The following GRM7 variants were observed in gnomAD, a reference collection of about 807,000 sequenced individuals.
The protein encoded by GRM7 is metabotropic glutamate receptor 7.
A neutral mutation model predicts 84.5 loss-of-function variants in GRM7; 35 were observed. That is an observed-to-expected ratio of 0.41 (90% CI 0.32 to 0.55). The LOEUF is 0.55. GRM7 is among the 20% of genes least tolerant of loss of function. GRM7 has a pLI of 0.19. For missense variants in GRM7, 1,003 were observed against 1,194.6 expected, an observed-to-expected ratio of 0.84 and a Z score of 2.36; for synonymous variants, 487 against 455.1, an observed-to-expected ratio of 1.07 and a Z score of -0.89.
chr3:6,990,705 A>G (rs2124854260), intron 1 of GRM7, among the ~76,000 whole-genome samples: 1 of 152,242 alleles, frequency 6.6e-6, no homozygotes, highest in South Asian at 2.1e-4. Context: ...CATTCTCTTC[A>G]TGATCTGCCA....
At chr3:7,424,095 C>G (rs1696506231) in intron 5 of GRM7, among the ~76,000 whole-genome samples, 1 of 152,112 alleles carries the variant, frequency 6.6e-6, no homozygotes, top group East Asian at 1.9e-4. Context: ...GCAAGTTACT[C>G]AGACATTCCC....
At chr3:7,027,107 A>G (rs914968032) in intron 1 of GRM7, among the ~76,000 whole-genome samples, 1 of 152,212 alleles carries the variant, frequency 6.6e-6, no homozygotes, top group African/African-American at 2.4e-5. Context: ...CTTGACCCCT[A>G]TATTCTTGTG....
intron 9 of GRM7, among the ~76,000 whole-genome samples, chr3:7,711,639 G>A (rs1436741220): frequency 6.6e-6 from 1 of 152,180 alleles, no homozygotes; most frequent in Non-Finnish European, 1.5e-5. Flanking sequence ...CGGCACCAAA[G>A]CTTTGTACTC....
chr3:7,618,138 T>A (rs1697191195), intron 8 of GRM7, among the ~76,000 whole-genome samples: 1 of 152,132 alleles, frequency 6.6e-6, no homozygotes. Flanking sequence ...ATATAATTAT[T>A]ACTTTCATTT....
At chr3:7,593,264 G>C (rs1020163842) in intron 8 of GRM7, among the ~76,000 whole-genome samples, 1 of 152,264 alleles carries the variant, frequency 6.6e-6, no homozygotes. Flanking sequence ...TTATTTTCCA[G>C]TGATTTTGTG....
At chr3:7,358,427 G>C (rs1020676831) in intron 4 of GRM7, among the ~76,000 whole-genome samples, 1 of 125,810 alleles carries the variant, frequency 7.9e-6, no homozygotes, top group African/African-American at 3.4e-5. Flanking sequence ...AAACGGTCAT[G>C]TGAACCAGAA....
chr3:7,422,969 C>A (rs1409744930), intron 5 of GRM7, among the ~76,000 whole-genome samples: 1 of 152,170 alleles, frequency 6.6e-6, no homozygotes, highest in Non-Finnish European at 1.5e-5. Context: ...TGATTTTACT[C>A]ACAAACCTCA....
At chr3:6,897,022 T>C (rs1195805059) in intron 1 of GRM7, among the ~76,000 whole-genome samples, 3 of 152,258 alleles carry the variant, frequency 2.0e-5, no homozygotes, top group African/African-American at 7.2e-5. Context: ...GTATTTCTGT[T>C]TGACAGTTAT....
intron 7 of GRM7, among the ~76,000 whole-genome samples, chr3:7,476,884 C>T (rs1199282078): frequency 1.3e-5 from 2 of 152,198 alleles, no homozygotes; most frequent in African/African-American, 4.8e-5. Context: ...TATTCCACCA[C>T]CAAACTGAAT....
At chr3:7,112,346 T>C (rs1478573788) in intron 1 of GRM7, among the ~76,000 whole-genome samples, 1 of 152,038 alleles carries the variant, frequency 6.6e-6, no homozygotes, top group Non-Finnish European at 1.5e-5. Context: ...TGCCTCAGCC[T>C]CCTGAGTAGC....
chr3:7,451,391 T>C (rs1019489458), intron 5 of GRM7, among the ~76,000 whole-genome samples: 13 of 152,198 alleles, frequency 8.5e-5, no homozygotes, highest in Non-Finnish European at 1.6e-4. Flanking sequence ...AATGTTGAAT[T>C]GCGACTGAGC....
chr3:6,990,647 T>C (rs1694599638), intron 1 of GRM7, among the ~76,000 whole-genome samples: 2 of 152,138 alleles, frequency 1.3e-5, no homozygotes, highest in African/African-American at 2.4e-5. Flanking sequence ...TTTTCATTTT[T>C]CTTTACATAG....
intron 7 of GRM7, among the ~76,000 whole-genome samples, chr3:7,517,220 C>T (rs6778646): frequency 0.11 from 16,976 of 152,116 alleles, 1,038 homozygotes; most frequent in Non-Finnish European, 0.12. Flanking sequence ...AAGTTTTGGT[C>T]ATTTATTTTG....
At chr3:7,232,255 A>C (rs911401900) in intron 2 of GRM7, among the ~76,000 whole-genome samples, 1 of 152,158 alleles carries the variant, frequency 6.6e-6, no homozygotes, top group Non-Finnish European at 1.5e-5. Context: ...TCTTGTAAAA[A>C]AAAAAAAAGT....
At chr3:7,103,981 T>A (rs1424491935) in intron 1 of GRM7, among the ~76,000 whole-genome samples, 1 of 151,550 alleles carries the variant, frequency 6.6e-6, no homozygotes, top group Non-Finnish European at 1.5e-5. Context: ...TGCACCATTG[T>A]GAATTTGTCC....
chr3:7,414,475 A>G (rs1003392147), intron 4 of GRM7, among the ~76,000 whole-genome samples: 2 of 152,138 alleles, frequency 1.3e-5, no homozygotes, highest in African/African-American at 2.4e-5. Context: ...ATGACCCCAT[A>G]CGAACATTTA....
chr3:7,409,536 T>C (rs1016311493), intron 4 of GRM7, among the ~76,000 whole-genome samples: 5 of 152,096 alleles, frequency 3.3e-5, no homozygotes, highest in Non-Finnish European at 5.9e-5. Flanking sequence ...TCTGTGTAAA[T>C]TTTATATCCT....
In GRM7 at chr3:6,968,345, C is replaced by G. The variant is rs543824974; in HGVS notation, c.519+106438C>G. On this transcript the variant is annotated intron_variant, in intron 1 of 9. Coordinates refer to ENST00000357716, the MANE Select transcript of GRM7 (RefSeq NM_000844.4). ...TCTCATTAGAGTCCACCCTAATGAA[C>G]TCATTTTATTTTGATTACCTCTGTA... Among the ~76,000 whole-genome samples the G allele has an allele frequency of 1.6e-4, 24 of 152,252 alleles. No individual in the cohort carries two copies. The East Asian group carries it at 4.4e-3, about 28-fold the overall frequency.
chr3:7,176,832 A>G (rs1178486008), intron 2 of GRM7, among the ~76,000 whole-genome samples: 1 of 152,204 alleles, frequency 6.6e-6, no homozygotes, highest in Non-Finnish European at 1.5e-5. Context: ...AAACTCATCC[A>G]TCTTCTATTT....
Sources: gnomAD v4.1 joint callset for allele counts (sites outside exome capture counted in the v4.1 genomes callset) on GRCh38, gnomAD v4.1.1 for gene constraint, MANE v1.5 for transcripts, NCBI Gene and HGNC (gene_info 2026-07-23, HGNC 2026-07-21) for gene names.